ACSS3: variants seen among roughly 807,000 people sequenced by gnomAD.
ACSS3 encodes the protein acyl-CoA synthetase short-chain family member 3, mitochondrial.
Under a neutral mutation model 84.2 loss-of-function variants are expected in ACSS3, and 64 were observed. The ratio of observed to expected loss-of-function variants is 0.76; its 90% CI spans 0.62 to 0.94. ACSS3 has a LOEUF of 0.94. Among genes scored for constraint, ACSS3 ranks in the 40% least tolerant of loss-of-function variants. The pLI is 0.00. For synonymous variants in ACSS3, 317 were observed against 310.1 expected (o/e 1.02, Z -0.23); for missense variants, 815 against 867.6 (o/e 0.94, Z 0.76).
intron 8 of ACSS3, among the ~76,000 whole-genome samples, chr12:81,197,408 C>A (rs1454419581): frequency 6.6e-6 from 1 of 152,044 alleles, no homozygotes; most frequent in African/African-American, 2.4e-5. Context: ...AAATTGGTAA[C>A]GTGAGAACTT....
At chr12:81,122,211 A>G (rs957368200) in intron 2 of ACSS3, among the ~76,000 whole-genome samples, 6 of 152,028 alleles carry the variant, frequency 3.9e-5, no homozygotes, top group Non-Finnish European at 7.4e-5. Flanking sequence ...GATTACAGGC[A>G]GGCATGAGCC....
chr12:81,130,535 C>T (rs1348299798), intron 2 of ACSS3, among the ~76,000 whole-genome samples: 2 of 152,012 alleles, frequency 1.3e-5, no homozygotes, highest in African/African-American at 4.8e-5. Context: ...TAGCTCTTTG[C>T]CAGATGGATA....
At chr12:81,135,097 G>C in intron 3 of ACSS3, 93 bp downstream of exon 3, 1 of 1,062,526 alleles carries the variant, frequency 9.4e-7, no homozygotes, top group East Asian at 2.9e-5. Context: ...CTCTATACTT[G>C]TTAGATCCTC....
In ACSS3 at chr12:81,094,180, C is replaced by G. The variant is rs375454728; in HGVS notation, c.312-15380C>G. 3.3e-4 allele frequency among the ~76,000 whole-genome samples: 44 copies of G among 132,958 alleles called. 1 individual carries two copies. Among genetic ancestry groups the G allele is most frequent in the East Asian group, 2.4e-3 (12 of 5,098 alleles). The allele number at this position is 132,958 out of a possible 152,430, so 87.2% of individuals were successfully genotyped here. ...TTCCTCTCTCTCTCTCTCTGTCTCTCTCTCTGTGTGTGTGTGTGTGTGTGT... is the reference window on the plus strand; with the variant it reads ...TTCCTCTCTCTCTCTCTCTGTCTCTGTCTCTGTGTGTGTGTGTGTGTGTGT... On this transcript the variant is annotated intron_variant, in intron 1 of 15. Coordinates refer to ENST00000548058, the MANE Select transcript of ACSS3 (RefSeq NM_024560.4).
intron 11 of ACSS3, among the ~76,000 whole-genome samples, chr12:81,220,587 C>T (rs1676825333): frequency 6.6e-6 from 1 of 151,830 alleles, no homozygotes; most frequent in Non-Finnish European, 1.5e-5. Flanking sequence ...CAACCCTTGC[C>T]TCCCTCCCTC....
At chr12:81,195,043 G>C (rs1441076915) in intron 8 of ACSS3, among the ~76,000 whole-genome samples, 1 of 151,962 alleles carries the variant, frequency 6.6e-6, no homozygotes, top group Non-Finnish European at 1.5e-5. Flanking sequence ...ATGGGCATTT[G>C]AACCATCTAG....
intron 2 of ACSS3, chr12:81,125,849 G>T (rs944674100): frequency 1.3e-5 from 2 of 152,122 alleles, no homozygotes; most frequent in African/African-American, 2.4e-5. Context: ...CCAATCAGTT[G>T]CTAAAACCCA....
intron 15 of ACSS3, 82 bp downstream of exon 15, chr12:81,253,752 G>T (rs1005306424): frequency 2.1e-6 from 3 of 1,401,142 alleles, no homozygotes; most frequent in South Asian, 2.7e-5. Flanking sequence ...CTTAAAAATG[G>T]TTCTCAAATG....
chr12:81,192,547 A>C (rs2031627258), intron 8 of ACSS3, among the ~76,000 whole-genome samples: 1 of 152,072 alleles, frequency 6.6e-6, no homozygotes, highest in African/African-American at 2.4e-5. Context: ...TTGAAGCTAG[A>C]CTCCAATATT....
chr12:81,231,105 A>C lies in ACSS3; in HGVS notation c.1563A>C (p.Glu521Asp). ...TTTCAGGACTCTGGAAGAATCAGGAAGCATTCAAGCATTTATACTTTGAAA... is the reference window on the plus strand; with the variant it reads ...TTTCAGGACTCTGGAAGAATCAGGACGCATTCAAGCATTTATACTTTGAAA... The part of the protein sequence containing the change: ...GAFSGLWKNQ[E>D]AFKHLYFEKF... The change falls in exon 12 of 16, where the codon GAA (glutamate) becomes GAC (aspartate). Residue 521 changes from glutamate to aspartate, a missense_variant. By Grantham distance (45) the Glu-to-Asp change is conservative. Coordinates refer to ENST00000548058, the MANE Select transcript of ACSS3 (RefSeq NM_024560.4). The C allele has an allele frequency of 6.2e-7, 1 of 1,610,884 alleles. No homozygotes were observed. Among genetic ancestry groups the C allele is most frequent in the East Asian group, 2.2e-5 (1 of 44,730 alleles).
chr12:81,139,810 T>C (rs575565562), intron 4 of ACSS3, among the ~76,000 whole-genome samples: 28 of 151,796 alleles, frequency 1.8e-4, no homozygotes, highest in Admixed American at 1.1e-3. Flanking sequence ...TAATTTTTTG[T>C]ATTTTTAGTA....
chr12:81,201,316 T>C (rs2032096258), intron 9 of ACSS3, among the ~76,000 whole-genome samples: 1 of 152,224 alleles, frequency 6.6e-6, no homozygotes, highest in Non-Finnish European at 1.5e-5. Flanking sequence ...GGGGACTACT[T>C]TCCACACAAA....
At position 81,139,167 on chromosome 12, in the gene ACSS3, C is replaced by A. The variant is rs147955371; in HGVS notation, c.682C>A (p.Pro228Thr). Residue 228 changes from proline to threonine, a missense_variant, in exon 4 of 16, where the codon CCT becomes ACT. Coordinates refer to ENST00000548058, the MANE Select transcript of ACSS3 (RefSeq NM_024560.4). ...TGTTACAGCATCATTTGGCATTGAACCTGGAAGGAGGGTAGAGTACGTACC... is the reference window on the plus strand; with the variant it reads ...TGTTACAGCATCATTTGGCATTGAAACTGGAAGGAGGGTAGAGTACGTACC... Reference protein sequence around the residue: ...VVVTASFGIEPGRRVEYVPLV... With the variant: ...VVVTASFGIETGRRVEYVPLV... 3.1e-6 allele frequency: 5 copies of A among 1,613,590 alleles called. No individual in the cohort carries two copies. The highest frequency in any genetic ancestry group is 1.7e-5 in the Admixed American group (1 of 59,998).
intron 2 of ACSS3, among the ~76,000 whole-genome samples, chr12:81,121,932 A>ATTATTATTG (rs1347053663): frequency 5.4e-4 from 81 of 150,016 alleles, no homozygotes; most frequent in Non-Finnish European, 9.3e-4. Flanking sequence ...TATTATTATT[A>ATTATTATTG]TTATTATTAT....
At chr12:81,088,426 C>T (rs4143646) in intron 1 of ACSS3, among the ~76,000 whole-genome samples, 47,854 of 151,822 alleles carry the variant, frequency 0.32, 7,887 homozygotes, top group Admixed American at 0.44. Flanking sequence ...TAAACATTGT[C>T]AGGTATATCA....
At chr12:81,126,303 T>C (rs1248277901) in intron 2 of ACSS3, among the ~76,000 whole-genome samples, 2 of 152,216 alleles carry the variant, frequency 1.3e-5, no homozygotes, top group African/African-American at 4.8e-5. Flanking sequence ...AGTGGAGAGA[T>C]GTTAAAATGG....
chr12:81,118,245 G>T (rs1390924714), intron 2 of ACSS3, among the ~76,000 whole-genome samples: 1 of 152,068 alleles, frequency 6.6e-6, no homozygotes, highest in Admixed American at 6.6e-5. Flanking sequence ...TAAAATAGTG[G>T]CTTAATTTTT....
chr12:81,148,825 G>T (rs1886468327), intron 5 of ACSS3, among the ~76,000 whole-genome samples: 1 of 150,486 alleles, frequency 6.6e-6, no homozygotes, highest in Admixed American at 6.7e-5. Flanking sequence ...ACTTTGGAAG[G>T]CCGAGGCGGG....
intron 1 of ACSS3, among the ~76,000 whole-genome samples, chr12:81,092,440 C>A (rs1009540353): frequency 6.6e-6 from 1 of 151,926 alleles, no homozygotes; most frequent in Non-Finnish European, 1.5e-5. Flanking sequence ...GTAACAAAAT[C>A]CATTTTATTC....
Sources: gnomAD v4.1 joint callset for allele counts (sites outside exome capture counted in the v4.1 genomes callset) on GRCh38, gnomAD v4.1.1 for gene constraint, MANE v1.5 for transcripts, NCBI Gene and HGNC (gene_info 2026-07-23, HGNC 2026-07-21) for gene names.